The following ABL1 variants were observed in gnomAD, a reference collection of about 807,000 sequenced individuals.
The protein encoded by ABL1 is tyrosine-protein kinase ABL1.
In ABL1, 11 loss-of-function variants were observed where a neutral mutation model predicts 94.7. The observed-to-expected ratio is 0.12, with a 90% CI of 0.07 to 0.19. The LOEUF is 0.19. ABL1 is among the 10% of genes least tolerant of loss of function. The pLI, the probability that ABL1 is intolerant of heterozygous loss-of-function variation, is 1.00. For synonymous variants in ABL1, 656 were observed against 622.4 expected, an observed-to-expected ratio of 1.05 and a Z score of -0.80; for missense variants, 1,082 against 1,489.4, an observed-to-expected ratio of 0.73 and a Z score of 4.50.
At chr9:130,766,257 T>C (rs1025672319) in intron 1 of ABL1, among the ~76,000 whole-genome samples, 1 of 152,200 alleles carries the variant, frequency 6.6e-6, no homozygotes, top group African/African-American at 2.4e-5. Flanking sequence ...GACTGGAGCC[T>C]GGAAGGCGGG....
rs1471920855 is a variant in ABL1, at chr9:130,846,106, T to C, written c.80-7958T>C. Among the ~76,000 whole-genome samples, 9 of 143,760 alleles carry C rather than the reference T, an allele frequency of 6.3e-5. No homozygotes were observed. The Admixed American group carries it at 6.3e-4, about 10-fold the overall frequency. The allele number at this position is 143,760 out of a possible 152,430, so 94.3% of individuals were successfully genotyped here. A position where few individuals can be genotyped will look rare whatever the true frequency, so the allele number is the denominator to read the frequency against. On this transcript the variant is annotated intron_variant, in intron 1 of 10. Coordinates refer to ENST00000318560, the MANE Select transcript of ABL1 (RefSeq NM_005157.6). ...CTGTGTGTGTGTGTGTGTGTGTGTG[T>C]GTGCTTGTGTGTGTGTGTGTTTTAA...
At chr9:130,811,453 C>T (rs956036924) in intron 1 of ABL1, among the ~76,000 whole-genome samples, 5 of 152,194 alleles carry the variant, frequency 3.3e-5, no homozygotes, top group Middle Eastern at 3.4e-3. Context: ...TTGTAACTTA[C>T]ATAGAAGTAA....
intron 1 of ABL1, among the ~76,000 whole-genome samples, chr9:130,747,128 A>G (rs1314009929): frequency 6.6e-6 from 1 of 151,926 alleles, no homozygotes; most frequent in East Asian, 1.9e-4. Flanking sequence ...TAATCCCAGC[A>G]CTTTGGGAAG....
At chr9:130,795,483 C>T (rs149581243) in intron 1 of ABL1, among the ~76,000 whole-genome samples, 9 of 152,252 alleles carry the variant, frequency 5.9e-5, no homozygotes, top group African/African-American at 1.7e-4. Context: ...TTATGAATTA[C>T]GTTGTGTCCA....
At chr9:130,807,367 G>C (rs571660713) in intron 1 of ABL1, among the ~76,000 whole-genome samples, 135 of 151,952 alleles carry the variant, frequency 8.9e-4, no homozygotes, top group African/African-American at 3.1e-3. Flanking sequence ...TCATGCCTCA[G>C]CCTCTTGAGT....
At chr9:130,864,505 A>G (rs899750387) in intron 4 of ABL1, among the ~76,000 whole-genome samples, 5 of 152,172 alleles carry the variant, frequency 3.3e-5, no homozygotes, top group Non-Finnish European at 2.9e-5. Context: ...TCAGCCTCCC[A>G]GAGTGCTGGG....
At chr9:130,811,751 A>T (rs552206088) in intron 1 of ABL1, among the ~76,000 whole-genome samples, 11 of 151,884 alleles carry the variant, frequency 7.2e-5, no homozygotes, top group Non-Finnish European at 1.3e-4. Context: ...TCTACTAAAA[A>T]TACAAAAATT....
chr9:130,771,197 G>T (rs1185370475), intron 1 of ABL1, among the ~76,000 whole-genome samples: 1 of 151,822 alleles, frequency 6.6e-6, no homozygotes, highest in African/African-American at 2.4e-5. Flanking sequence ...TATTAGGCAT[G>T]GAGTTGATAG....
intron 1 of ABL1, among the ~76,000 whole-genome samples, chr9:130,771,768 T>C (rs371932249): frequency 7.8e-5 from 6 of 77,176 alleles, no homozygotes; most frequent in Non-Finnish European, 1.2e-4. Flanking sequence ...TTTTTTTTTT[T>C]TTTGAGACAG....
At chr9:130,821,538 C>T (rs1830363166) in intron 1 of ABL1, among the ~76,000 whole-genome samples, 1 of 152,074 alleles carries the variant, frequency 6.6e-6, no homozygotes. Context: ...AGTTGGTGAA[C>T]ATTTGGATTG....
rs777780369 is a variant in ABL1, at chr9:130,874,973, T to C, written c.1191T>C (p.Ala397=). 1.9e-6 allele frequency: 3 copies of C among 1,614,230 alleles called. No homozygotes were observed. The highest frequency in any genetic ancestry group is 2.2e-5 in the East Asian group (1 of 44,890). Residue 397 remains alanine, a synonymous_variant, in exon 7 of 11, where the codon GCT becomes GCC. Transcript: ENST00000318560. Reference sequence around the variant, plus strand: ...CAGGGGACACCTACACAGCCCATGCTGGAGCCAAGTTCCCCATCAAATGGA... The same window carrying C: ...CAGGGGACACCTACACAGCCCATGCCGGAGCCAAGTTCCCCATCAAATGGA... ...LMTGDTYTAH[A]GAKFPIKWTA...
intron 4 of ABL1, among the ~76,000 whole-genome samples, chr9:130,866,783 GCTAT>G (rs1231589103): frequency 6.6e-6 from 1 of 152,220 alleles, no homozygotes; most frequent in Admixed American, 6.5e-5. Context: ...ACATAGTCTT[GCTAT>G]CTGTGTTAAA....
intron 1 of ABL1, among the ~76,000 whole-genome samples, chr9:130,742,974 T>A (rs572102110): frequency 2.0e-5 from 3 of 152,200 alleles, no homozygotes; most frequent in Admixed American, 6.5e-5. Context: ...TTCTAAAAAA[T>A]TATTATTAAT....
intron 1 of ABL1, among the ~76,000 whole-genome samples, chr9:130,782,876 A>G (rs1001618304): frequency 5.3e-5 from 8 of 152,232 alleles, no homozygotes; most frequent in African/African-American, 1.9e-4. Flanking sequence ...TCCAATGAAA[A>G]TCATCAAACC....
intron 1 of ABL1, among the ~76,000 whole-genome samples, chr9:130,849,884 A>G (rs1036200683): frequency 6.6e-6 from 1 of 151,990 alleles, no homozygotes; most frequent in Non-Finnish European, 1.5e-5. Flanking sequence ...TCCATAGTGG[A>G]GGGATTTTTC....
chr9:130,726,254 T>TCCAC (rs34224758), intron 1 of ABL1, among the ~76,000 whole-genome samples: 44,701 of 151,856 alleles, frequency 0.29, 9,856 homozygotes, highest in African/African-American at 0.59. Context: ...ACCTCTGCAT[T>TCCAC]CCACTATCTT....
intron 3 of ABL1, among the ~76,000 whole-genome samples, chr9:130,860,524 C>T (rs111770584): frequency 7.2e-5 from 11 of 152,116 alleles, no homozygotes; most frequent in South Asian, 6.2e-4. Context: ...TGAAGGAACC[C>T]GATCCGCCAG....
chr9:130,762,333 G>A lies in ABL1; in HGVS notation c.136+47878G>A, dbSNP rs577452120. Among the ~76,000 whole-genome samples the A allele has an allele frequency of 5.3e-5, 8 of 152,130 alleles. No homozygotes were observed. The South Asian group carries it at 8.3e-4, about 16-fold the overall frequency. On this transcript the variant is annotated intron_variant, in intron 1 of 10. Coordinates refer to the ABL1 transcript ENST00000372348. ...ATTTGCCTTTAAAAATATATATATT[G>A]TAAATATTCTTCTGTGCCATTGAAT...
At chr9:130,735,924 CAT>C (rs540264230) in intron 1 of ABL1, among the ~76,000 whole-genome samples, 48 of 98,084 alleles carry the variant, frequency 4.9e-4, no homozygotes, top group African/African-American at 2.2e-3. Flanking sequence ...TGTGTGTATG[CAT>C]GTGTGTGCAT....
Sources: gnomAD v4.1 joint callset for allele counts (sites outside exome capture counted in the v4.1 genomes callset) on GRCh38, gnomAD v4.1.1 for gene constraint, MANE v1.5 for transcripts, NCBI Gene and HGNC (gene_info 2026-07-23, HGNC 2026-07-21) for gene names.